SLFNL1: variants seen among roughly 807,000 people sequenced by gnomAD.
SLFNL1 encodes schlafen-like protein 1.
Under a neutral mutation model 32.5 loss-of-function variants are expected in SLFNL1, and 26 were observed. That is an observed-to-expected ratio of 0.80 (90% CI 0.59 to 1.11). The LOEUF is 1.11. Among genes scored for constraint, SLFNL1 ranks in the 50% least tolerant of loss-of-function variants. The probability of loss-of-function intolerance (pLI) is 0.00; values close to 1 mark genes in which losing one functional copy is unlikely to be tolerated. For missense variants in SLFNL1, 553 were observed against 546.5 expected (o/e 1.01, Z -0.12); for synonymous variants, 255 against 242.2 (o/e 1.05, Z -0.49).
In SLFNL1 at chr1:41,020,225, C is replaced by T. The variant is rs752460714; in HGVS notation, c.435+1G>A. 2 of 1,580,820 alleles carry T rather than the reference C, an allele frequency of 1.3e-6. No individual in the cohort carries two copies. The highest frequency in any genetic ancestry group is 1.7e-6 in the Non-Finnish European group (2 of 1,162,410). ...GCTTGCTTGGGAAAAGTCCCACTTA[C>T]CTCTCTGTGGCTGAAGGGCCCTTGG... On this transcript the variant is annotated splice_donor_variant, in intron 3 of 5. Coordinates refer to ENST00000302946, the MANE Select transcript of SLFNL1 (RefSeq NM_144990.4). LOFTEE classifies it high-confidence loss of function.
At chr1:41,020,180 C>A in intron 3 of SLFNL1, 46 bp downstream of exon 3, 1 of 1,540,876 alleles carries the variant, frequency 6.5e-7, no homozygotes, top group Non-Finnish European at 8.8e-7. Context: ...AGAGGCTCTC[C>A]CTTGGGGTGA....
chr1:41,017,312 C>T lies in SLFNL1; in HGVS notation c.1023G>A (p.Gln341=). The T allele has an allele frequency of 2.5e-6, 4 of 1,613,856 alleles. No homozygotes were observed. The highest frequency in any genetic ancestry group is 2.5e-6 in the Non-Finnish European group (3 of 1,179,942). The change falls in exon 5 of 6, where the codon CAG becomes CAA. Residue 341 remains glutamine, a synonymous_variant. Coordinates refer to ENST00000302946, the MANE Select transcript of SLFNL1 (RefSeq NM_144990.4). This position sits in a 1 kb window ranked among gnomAD's most constrained non-coding sequence, Gnocchi z 4.9. ...QSQPQLYQTD[Q]GEVFLRRDGS... is the part of the protein sequence containing the mutation. ...CGTCGCGCCGCAGAAACACCTCCCC[C>T]TGGTCTGTCTGGTAGAGTTGCGGCT...
Position 41,017,092 on chromosome 1 carries a change from T to A in SLFNL1, c.1101+142A>T. On this transcript the variant is annotated intron_variant, in intron 5 of 5. Coordinates refer to ENST00000302946, the MANE Select transcript of SLFNL1 (RefSeq NM_144990.4). The surrounding 1 kb of genome is among the most constrained non-coding windows in gnomAD (Gnocchi z 4.9). Reference sequence around the variant, plus strand: ...CCGCGGAGTATGGGATGTGGTGTGATTGTATTCCAACCCCTTGGGTTCAAC... The same window carrying A: ...CCGCGGAGTATGGGATGTGGTGTGAATGTATTCCAACCCCTTGGGTTCAAC... The A allele has an allele frequency of 9.9e-7, 1 of 1,012,918 alleles. No homozygotes were observed. The highest frequency in any genetic ancestry group is 1.4e-6 in the Non-Finnish European group (1 of 718,566). The allele number at this position is 1,012,918 out of a possible 1,614,324, so 62.7% of individuals were successfully genotyped here.
At chr1:41,019,415 C>T (rs2148450845) in intron 3 of SLFNL1, among the ~76,000 whole-genome samples, 1 of 152,246 alleles carries the variant, frequency 6.6e-6, no homozygotes, top group East Asian at 1.9e-4. Flanking sequence ...TCCTAACGTC[C>T]CATGTCCCAC....
At chr1:41,020,975 G>C in intron 1 of SLFNL1, 105 bp from the exon 2 acceptor site, 1 of 321,984 alleles carries the variant, frequency 3.1e-6, no homozygotes, top group South Asian at 6.3e-5. Context: ...TCAGGTCTCT[G>C]AGAGCTCCAC....
rs1294335030 is a variant in SLFNL1, at chr1:41,015,812, G to A, written c.*294C>T. On this transcript the variant is annotated 3_prime_UTR_variant, in exon 6 of 6. Coordinates refer to ENST00000302946, the MANE Select transcript of SLFNL1 (RefSeq NM_144990.4). ...GCCTGGGCCAAATGAGCATTTTAGG[G>A]AGAAGGACAATCCCTTATAGCTTAG... The A allele has an allele frequency of 4.1e-6, 1 of 246,748 alleles. No homozygotes were observed. Among genetic ancestry groups the A allele is most frequent in the African/African-American group, 2.2e-5 (1 of 44,714 alleles). 15.3% of individuals were successfully genotyped at this position (246,748 alleles called of 1,614,324 possible).
In SLFNL1 at chr1:41,015,812, GAGA is replaced by G. The variant is rs536893321; in HGVS notation, c.*291_*293del. On this transcript the variant is annotated 3_prime_UTR_variant, in exon 6 of 6. Coordinates refer to ENST00000302946, the MANE Select transcript of SLFNL1 (RefSeq NM_144990.4). ...GCCTGGGCCAAATGAGCATTTTAGG[GAGA>G]AGGACAATCCCTTATAGCTTAGCCC... 317 of 246,866 alleles carry G rather than the reference GAGA, an allele frequency of 1.3e-3. 1 individual carries two copies. Among genetic ancestry groups the G allele is most frequent in the African/African-American group, 6.6e-3 (297 of 44,836 alleles). The allele number at this position is 246,866 out of a possible 1,614,324, so 15.3% of individuals were successfully genotyped here. A position where few individuals can be genotyped will look rare whatever the true frequency, so the allele number is the denominator to read the frequency against.
At chr1:41,018,226 T>C (rs982812666) in intron 3 of SLFNL1, 70 bp from the exon 4 acceptor site, 40 of 1,401,344 alleles carry the variant, frequency 2.9e-5, no homozygotes, top group Middle Eastern at 3.7e-4. Context: ...TGAGAAGGAC[T>C]GCAAGAACCC....
rs781241264 is a variant in SLFNL1, at chr1:41,018,006, A to G, written c.586T>C (p.Cys196Arg). ...TGGTGCACAATGGCACTGTCGGAGC[A>G]CACGCCGCTGGGCCGGCCCTGGCAG... ...QSCQGRPSGV[C>R]SDSAIVHQQI... Residue 196 changes from cysteine to arginine, a missense_variant, in exon 4 of 6, where the codon TGC (cysteine) becomes CGC (arginine). Cys to Arg is a radical substitution (Grantham distance 180). Coordinates refer to ENST00000302946, the MANE Select transcript of SLFNL1 (RefSeq NM_144990.4). 84 of 1,605,536 alleles carry G rather than the reference A, an allele frequency of 5.2e-5. No individual in the cohort carries two copies. The highest frequency in any genetic ancestry group is 7.0e-5 in the Non-Finnish European group (82 of 1,176,902).
intron 3 of SLFNL1, among the ~76,000 whole-genome samples, chr1:41,018,873 TCA>T (rs1242730343): frequency 5.8e-5 from 8 of 138,476 alleles, no homozygotes; most frequent in African/African-American, 2.1e-4. Flanking sequence ...TCTCGCCCTG[TCA>T]CCCAGGCTGG....
rs910668239 is a variant in SLFNL1 at position 41,018,020 on chromosome 1, CGGCCCTGGCAGCTCTGCA to C, written c.554_571del (p.Leu185_Gly190del). The C allele has an allele frequency of 2.8e-5, 45 of 1,601,044 alleles. No homozygotes were observed. The Admixed American group carries it at 6.2e-4, about 22-fold the overall frequency. On this transcript the variant is annotated inframe_deletion, in exon 4 of 6. Coordinates refer to ENST00000302946, the MANE Select transcript of SLFNL1 (RefSeq NM_144990.4). ...ACTGTCGGAGCACACGCCGCTGGGC[CGGCCCTGGCAGCTCTGCA>C]GCTGCTGGGCCTGGGGCCTATCAGG... is the stretch of plus-strand genomic sequence containing the variant.
At position 41,017,287 on chromosome 1, in the gene SLFNL1, C is replaced by A. The variant is rs145050859; in HGVS notation, c.1048G>T (p.Gly350Trp). The change falls in exon 5 of 6, where the codon GGG becomes TGG. Residue 350 changes from glycine (G) to tryptophan (W), a missense_variant. Gly to Trp is a radical substitution (Grantham distance 184, BLOSUM62 -2). Transcript: ENST00000302946. The surrounding 1 kb of genome is among the most constrained non-coding windows in gnomAD (Gnocchi z 4.9). ...GCAGACAGCGGGCCCTGGATGCTCCCGTCGCGCCGCAGAAACACCTCCCCC... is the reference window on the plus strand; with the variant it reads ...GCAGACAGCGGGCCCTGGATGCTCCAGTCGCGCCGCAGAAACACCTCCCCC... ...DQGEVFLRRDGSIQGPLSASA... is the reference protein window; with the variant it reads ...DQGEVFLRRDWSIQGPLSASA... 1.9e-6 allele frequency: 3 copies of A among 1,610,178 alleles called. No homozygotes were observed. In the East Asian group the frequency reaches 6.7e-5, roughly 36 times the overall value.
Position 41,016,097 on chromosome 1 carries a change from C to T in SLFNL1, c.*9G>A, listed in dbSNP as rs2148429027. The T allele has an allele frequency of 1.2e-6, 2 of 1,612,206 alleles. No homozygotes were observed. Among genetic ancestry groups the T allele is most frequent in the South Asian group, 2.2e-5 (2 of 90,790 alleles). On this transcript the variant is annotated 3_prime_UTR_variant, in exon 6 of 6. Coordinates refer to ENST00000302946, the MANE Select transcript of SLFNL1 (RefSeq NM_144990.4). ...AGTGCCGTGCCGTCCTGCCTGCTCC[C>T]CAGGGCCCTCACAGGACACAGCAGG... is the stretch of plus-strand genomic sequence containing the variant.
At position 41,017,815 on chromosome 1, in the gene SLFNL1, G is replaced by C; in HGVS notation, c.777C>G (p.Leu259=). 2 of 1,599,364 alleles carry C rather than the reference G, an allele frequency of 1.3e-6. No individual in the cohort carries two copies. The highest frequency in any genetic ancestry group is 1.7e-6 in the Non-Finnish European group (2 of 1,169,562). ...AFLNSEGGSL[L]VGVEDSGLVQ... The stretch of plus-strand genomic sequence containing the variant: ...CCAGGCCGCTGTCCTCTACTCCCAC[G>C]AGCAGGCTGCCGCCCTCGCTGTTGA... Residue 259 remains leucine (L), a synonymous_variant, in exon 4 of 6, where the codon CTC becomes CTG. Coordinates refer to ENST00000302946, the MANE Select transcript of SLFNL1 (RefSeq NM_144990.4). This position sits in a 1 kb window ranked among gnomAD's most constrained non-coding sequence, Gnocchi z 4.9.
At chr1:41,020,161 C>G in intron 3 of SLFNL1, 65 bp downstream of exon 3, 17 of 1,493,522 alleles carry the variant, frequency 1.1e-5, no homozygotes, top group Non-Finnish European at 1.5e-5. Flanking sequence ...CTGCAGGCCA[C>G]TCCCACTCAG....
At chr1:41,021,349 C>T (rs1643820286) in intron 1 of SLFNL1, 1 of 152,788 alleles carries the variant, frequency 6.5e-6, no homozygotes, top group Non-Finnish European at 1.5e-5. Flanking sequence ...AAGGTGGCTC[C>T]TAGACCCTAA....
At position 41,018,184 on chromosome 1, in the gene SLFNL1, T is replaced by G. The variant is rs1485367907; in HGVS notation, c.436-28A>C. ...AGGGTGGTAGTCAAGAATGAATGTATGGGTCCAGCCAGGAAATGGGAGCCC... is the reference window on the plus strand; with the variant it reads ...AGGGTGGTAGTCAAGAATGAATGTAGGGGTCCAGCCAGGAAATGGGAGCCC... On this transcript the variant is annotated intron_variant, in intron 3 of 5. Coordinates refer to ENST00000302946, the MANE Select transcript of SLFNL1 (RefSeq NM_144990.4). 5.5e-6 allele frequency: 8 copies of G among 1,445,460 alleles called. No individual in the cohort carries two copies. The African/African-American group carries it at 5.7e-5, about 10-fold the overall frequency. The allele number at this position is 1,445,460 out of a possible 1,614,324, so 89.5% of individuals were successfully genotyped here.
rs61734928 is a variant in SLFNL1 at position 41,020,244 on chromosome 1, C to G, written c.417G>C (p.Gly139=). ...GKDLLLSEAQ[G]PFSHREEKEE... ...CACTTACCTCTCTGTGGCTGAAGGGCCCTTGGGCCTCACTCAATAGCAGGT... is the reference window on the plus strand; with the variant it reads ...CACTTACCTCTCTGTGGCTGAAGGGGCCTTGGGCCTCACTCAATAGCAGGT... The change falls in exon 3 of 6, where the codon GGG becomes GGC. Residue 139 remains glycine, a synonymous_variant. Coordinates refer to ENST00000302946, the MANE Select transcript of SLFNL1 (RefSeq NM_144990.4). The G allele has an allele frequency of 2.5e-6, 4 of 1,600,696 alleles. No homozygotes were observed. The highest frequency in any genetic ancestry group is 2.7e-5 in the African/African-American group (2 of 74,656).
chr1:41,020,464 A>G lies in SLFNL1; in HGVS notation c.197T>C (p.Leu66Pro). 1.2e-6 allele frequency: 2 copies of G among 1,613,464 alleles called. No individual in the cohort carries two copies. The highest frequency in any genetic ancestry group is 1.7e-6 in the Non-Finnish European group (2 of 1,180,020). ...PQFSVPVLACLLRDTLERLEM... is the reference protein window; with the variant it reads ...PQFSVPVLACPLRDTLERLEM... Reference sequence around the variant, plus strand: ...CAGCCGCTCCAGGGTGTCTCGCAGCAGGCAGGCAAGCACCGGCACTGAGAA... The same window carrying G: ...CAGCCGCTCCAGGGTGTCTCGCAGCGGGCAGGCAAGCACCGGCACTGAGAA... The change falls in exon 3 of 6, where the codon CTG (leucine) becomes CCG (proline). Residue 66 changes from leucine (L) to proline (P), a missense_variant. Physicochemically the swap from Leu to Pro is moderately conservative, Grantham distance 98. Transcript: ENST00000302946.
Sources: gnomAD v4.1 joint callset for allele counts (sites outside exome capture counted in the v4.1 genomes callset) on GRCh38, gnomAD v4.1.1 for gene constraint, Gnocchi (gnomAD v3.1) non-coding constraint, MANE v1.5 for transcripts, NCBI Gene and HGNC (gene_info 2026-07-23, HGNC 2026-07-21) for gene names.